The following KCNA3 variants were observed in gnomAD, a reference collection of about 807,000 sequenced individuals.
KCNA3 encodes RP11-284N8.3.
KCNA3 carries 18 observed loss-of-function variants against 34.3 expected under a neutral mutation model. The observed-to-expected ratio is 0.52, with a 90% confidence interval of 0.36 to 0.78. The LOEUF is 0.78. Among genes scored for constraint, KCNA3 ranks in the 30% least tolerant of loss-of-function variants. KCNA3 has a pLI of 0.00. For synonymous variants in KCNA3, 324 were observed against 351.7 expected (o/e 0.92, Z 0.88); for missense variants, 587 against 802.5 (o/e 0.73, Z 3.24).
chr1:110,674,106 C>A lies in KCNA3; in HGVS notation c.704G>T (p.Gly235Val). The A allele has an allele frequency of 1.2e-6, 2 of 1,610,516 alleles. No homozygotes were observed. Among genetic ancestry groups the A allele is most frequent in the Non-Finnish European group, 1.7e-6 (2 of 1,178,396 alleles). ...EYPESSGPARGIAIVSVLVIL... is the reference protein window; with the variant it reads ...EYPESSGPARVIAIVSVLVIL... ...GACCAGCACGGACACGATGGCGATG[C>A]CCCGGGCCGGCCCGGAGCTCTCGGG... Residue 235 changes from glycine to valine, a missense_variant, in exon 1 of 1, where the codon GGC (glycine) becomes GTC (valine). Transcript: ENST00000369769. The surrounding 1 kb of genome is among the most constrained non-coding windows in gnomAD (Gnocchi z 6.4).
Position 110,673,763 on chromosome 1 carries a change from T to C in KCNA3, c.1047A>G (p.Glu349=). ...YFITLGTELA[E]RQGNGQQAMS... is the part of the protein sequence containing the mutation. ...TGGCCTGCTGTCCATTGCCCTGTCGTTCGGCCAGCTCGGTACCCAGAGTGA... is the reference window on the plus strand; with the variant it reads ...TGGCCTGCTGTCCATTGCCCTGTCGCTCGGCCAGCTCGGTACCCAGAGTGA... The change falls in exon 1 of 1, where the codon GAA becomes GAG. Residue 349 remains glutamate (E), a synonymous_variant. Coordinates refer to ENST00000369769, the MANE Select transcript of KCNA3 (RefSeq NM_002232.5). The surrounding 1 kb of genome is among the most constrained non-coding windows in gnomAD (Gnocchi z 8.8). 6.2e-7 allele frequency: 1 copy of C among 1,614,126 alleles called. No individual in the cohort carries two copies. The highest frequency in any genetic ancestry group is 2.2e-5 in the East Asian group (1 of 44,872).
chr1:110,654,545 A>G, the KCNA3 span: 1 of 152,206 alleles, frequency 6.6e-6, no homozygotes, highest in South Asian at 2.1e-4. Flanking sequence ...TTAGTCTAGC[A>G]TTCTGACATC....
At chr1:110,672,158 C>G (rs529654590), downstream of KCNA3, among the ~76,000 whole-genome samples, 2 of 152,268 alleles carry the variant, frequency 1.3e-5, no homozygotes, top group African/African-American at 4.8e-5. Context: ...CCATGACAAC[C>G]TTTTTCGGGT....
chr1:110,661,556 G>A, the KCNA3 span, among the ~76,000 whole-genome samples: 14 of 152,086 alleles, frequency 9.2e-5, no homozygotes, highest in African/African-American at 3.4e-4. Flanking sequence ...TTTCCTAAGT[G>A]CCTAGGTTCT....
At chr1:110,658,327 T>G in the KCNA3 span, among the ~76,000 whole-genome samples, 1 of 152,340 alleles carries the variant, frequency 6.6e-6, no homozygotes, top group African/African-American at 2.4e-5. Flanking sequence ...CTACAAGTGC[T>G]CTTATTATAA....
downstream of KCNA3, among the ~76,000 whole-genome samples, chr1:110,672,151 T>C (rs1436628829): frequency 6.6e-6 from 1 of 152,164 alleles, no homozygotes; most frequent in East Asian, 1.9e-4. Flanking sequence ...AGAGATGCCA[T>C]GACAACCTTT....
chr1:110,657,040 G>GTT, the KCNA3 span: 6 of 124,408 alleles, frequency 4.8e-5, no homozygotes, highest in African/African-American at 1.5e-4. Flanking sequence ...GGGTACTTAA[G>GTT]TTTTCTTTTT....
At chr1:110,669,543 G>A (rs1396188377), downstream of KCNA3, among the ~76,000 whole-genome samples, 1 of 152,102 alleles carries the variant, frequency 6.6e-6, no homozygotes, top group Non-Finnish European at 1.5e-5. Context: ...CTGGAGATAT[G>A]TTATCTACAT....
the KCNA3 span, among the ~76,000 whole-genome samples, chr1:110,664,127 T>G: frequency 6.6e-6 from 1 of 152,190 alleles, no homozygotes; most frequent in Non-Finnish European, 1.5e-5. Context: ...GAGACTGAAC[T>G]TATAGGGAAG....
At chr1:110,667,527 T>A (rs960408053), downstream of KCNA3, among the ~76,000 whole-genome samples, 1 of 152,176 alleles carries the variant, frequency 6.6e-6, no homozygotes, top group East Asian at 1.9e-4. Flanking sequence ...GTTATATTGC[T>A]AGCAACCAGA....
Position 110,674,386 on chromosome 1 carries a change from G to A in KCNA3, c.424C>T (p.Pro142Ser), listed in dbSNP as rs1382283551. 2 of 1,614,058 alleles carry A rather than the reference G, an allele frequency of 1.2e-6. No homozygotes were observed. The highest frequency in any genetic ancestry group is 1.7e-6 in the Non-Finnish European group (2 of 1,180,036). Residue 142 changes from proline (P) to serine (S), a missense_variant, in exon 1 of 1, where the codon CCG (proline) becomes TCG (serine). Physicochemically the swap from Pro to Ser is moderately conservative, Grantham distance 74. Coordinates refer to ENST00000369769, the MANE Select transcript of KCNA3 (RefSeq NM_002232.5). This position sits in a 1 kb window ranked among gnomAD's most constrained non-coding sequence, Gnocchi z 6.4. The stretch of plus-strand genomic sequence containing the variant: ...TCGAAGAAGTACTCGTTGCGGAGCG[G>A]GTCGAAGTACCTCATGCGCCGCTTG... ...DPKRRMRYFD[P>S]LRNEYFFDRN...
Position 110,674,397 on chromosome 1 carries a change from C to T in KCNA3, c.413G>A (p.Arg138Lys). The T allele has an allele frequency of 6.2e-7, 1 of 1,614,132 alleles. No homozygotes were observed. Among genetic ancestry groups the T allele is most frequent in the Non-Finnish European group, 8.5e-7 (1 of 1,180,018 alleles). ...CTCGTTGCGGAGCGGGTCGAAGTACCTCATGCGCCGCTTGGGGTCGCCCAG... is the reference window on the plus strand; with the variant it reads ...CTCGTTGCGGAGCGGGTCGAAGTACTTCATGCGCCGCTTGGGGTCGCCCAG... The part of the protein sequence containing the change: ...TLLGDPKRRM[R>K]YFDPLRNEYF... The change falls in exon 1 of 1, where the codon AGG (arginine) becomes AAG (lysine). Residue 138 changes from arginine (R) to lysine (K), a missense_variant. Transcript: ENST00000369769. This position sits in a 1 kb window ranked among gnomAD's most constrained non-coding sequence, Gnocchi z 6.4.
At chr1:110,657,716 T>C in the KCNA3 span, among the ~76,000 whole-genome samples, 1 of 152,250 alleles carries the variant, frequency 6.6e-6, no homozygotes, top group African/African-American at 2.4e-5. Context: ...GTTTCATTCG[T>C]GTTTTATAAA....
At chr1:110,663,915 T>C in the KCNA3 span, among the ~76,000 whole-genome samples, 1 of 152,234 alleles carries the variant, frequency 6.6e-6, no homozygotes, top group East Asian at 1.9e-4. Flanking sequence ...CTAATTTTTA[T>C]TATTTTAAAA....
downstream of KCNA3, among the ~76,000 whole-genome samples, chr1:110,671,003 A>G (rs1243514622): frequency 6.6e-6 from 1 of 152,268 alleles, no homozygotes; most frequent in Non-Finnish European, 1.5e-5. Context: ...TATAATGTAT[A>G]TGAAACAGAA....
the KCNA3 span, among the ~76,000 whole-genome samples, chr1:110,663,947 A>T: frequency 1.8e-4 from 28 of 152,364 alleles, no homozygotes; most frequent in Admixed American, 1.4e-3. Flanking sequence ...TTTAAATGTC[A>T]TAATTTTAAA....
chr1:110,661,417 GAA>G, the KCNA3 span, among the ~76,000 whole-genome samples: 1 of 152,168 alleles, frequency 6.6e-6, no homozygotes, highest in African/African-American at 2.4e-5. Context: ...TAGGCAAAAA[GAA>G]AGAGTACGTT....
At chr1:110,661,837 G>A in the KCNA3 span, among the ~76,000 whole-genome samples, 1 of 152,124 alleles carries the variant, frequency 6.6e-6, no homozygotes, top group South Asian at 2.1e-4. Context: ...GCCGGGCGCG[G>A]TGGCTCACGC....
Position 110,673,317 on chromosome 1 carries a change from T to C in KCNA3, c.1493A>G (p.Gln498Arg). ...CTGGCAACTTCCCACGTGCATGTAC[T>C]GGGATTGCTCTTCCCCTTCTGTCTC... ...HRETEGEEQS[Q>R]YMHVGSCQHL... The change falls in exon 1 of 1, where the codon CAG becomes CGG. Residue 498 changes from glutamine to arginine, a missense_variant. By Grantham distance (43) the Gln-to-Arg change is conservative. This residue lies in a region of KCNA3 where 95 missense variants were observed against 107.3 expected (regional missense o/e 0.89). Transcript: ENST00000369769. The surrounding 1 kb of genome is among the most constrained non-coding windows in gnomAD (Gnocchi z 8.8). 1 of 1,613,990 alleles carries C rather than the reference T, an allele frequency of 6.2e-7. No individual in the cohort carries two copies.
Sources: gnomAD v4.1 joint callset for allele counts (sites outside exome capture counted in the v4.1 genomes callset) on GRCh38, gnomAD v4.1.1 for gene constraint, gnomAD v4.1.1 regional missense constraint, Gnocchi (gnomAD v3.1) non-coding constraint, MANE v1.5 for transcripts, NCBI Gene and HGNC (gene_info 2026-07-23, HGNC 2026-07-21) for gene names.